Variants in PTPRC observed in about 807,000 individuals in gnomAD.
PTPRC encodes receptor-type tyrosine-protein phosphatase C.
A neutral mutation model predicts 155.9 loss-of-function variants in PTPRC; 44 were observed. That is an observed-to-expected ratio of 0.28 (90% CI 0.22 to 0.36). PTPRC has a LOEUF of 0.36. Ranked by LOEUF, PTPRC falls within the 10% of genes least tolerant of loss-of-function variation. PTPRC has a pLI of 1.00. For missense variants in PTPRC, 1,401 were observed against 1,564.6 expected, an observed-to-expected ratio of 0.90 and a Z score of 1.76; for synonymous variants, 525 against 533.1, an observed-to-expected ratio of 0.98 and a Z score of 0.21.
At chr1:198,642,968 C>CT (rs746581602) in intron 2 of PTPRC, among the ~76,000 whole-genome samples, 2 of 130,606 alleles carry the variant, frequency 1.5e-5, no homozygotes, top group Non-Finnish European at 3.3e-5. Flanking sequence ...TTCTTTCTTT[C>CT]TTTTTTCTTT....
At chr1:198,745,562 T>G (rs1241138435) in intron 26 of PTPRC, among the ~76,000 whole-genome samples, 1 of 151,782 alleles carries the variant, frequency 6.6e-6, no homozygotes, top group Non-Finnish European at 1.5e-5. Context: ...ACAATCTCCC[T>G]AGGCAGAGGC....
In PTPRC at chr1:198,731,667, T is replaced by G; in HGVS notation, c.1915T>G (p.Leu639Val). The G allele has an allele frequency of 6.2e-7, 1 of 1,611,920 alleles. No individual in the cohort carries two copies. The highest frequency in any genetic ancestry group is 8.5e-7 in the Non-Finnish European group (1 of 1,178,474). Reference sequence around the variant, plus strand: ...GGAGCCAATCCATGCAGATATTTTGTTGGAAACTTATAAGAGGAAGATTGC... The same window carrying G: ...GGAGCCAATCCATGCAGATATTTTGGTGGAAACTTATAAGAGGAAGATTGC... ...NVEPIHADIL[L>V]ETYKRKIADE... The change falls in exon 18 of 33, where the codon TTG becomes GTG. Residue 639 changes from leucine to valine, a missense_variant. Physicochemically the swap from Leu to Val is conservative, Grantham distance 32. Coordinates refer to ENST00000442510, the MANE Select transcript of PTPRC (RefSeq NM_002838.5).
chr1:198,744,122 G>C lies in PTPRC; in HGVS notation c.2766G>C (p.Leu922Phe). Reference sequence around the variant, plus strand: ...AGTTTGGAGAAACAGAAGTGAATTTGTCTGAATTACATCCATATCTACATA... The same window carrying C: ...AGTTTGGAGAAACAGAAGTGAATTTCTCTGAATTACATCCATATCTACATA... The part of the protein sequence containing the change: ...YNQFGETEVN[L>F]SELHPYLHNM... Residue 922 changes from leucine to phenylalanine, a missense_variant, in exon 26 of 33, where the codon TTG (leucine) becomes TTC (phenylalanine). Around this residue, in one of 3 missense-constraint regions of PTPRC, gnomAD observed 134 missense variants for 204.7 expected, o/e 0.65. Coordinates refer to ENST00000442510, the MANE Select transcript of PTPRC (RefSeq NM_002838.5). The C allele has an allele frequency of 6.2e-7, 1 of 1,604,544 alleles. No individual in the cohort carries two copies. The highest frequency in any genetic ancestry group is 2.2e-5 in the East Asian group (1 of 44,576).
intron 2 of PTPRC, among the ~76,000 whole-genome samples, chr1:198,688,350 G>T (rs1039159744): frequency 6.6e-6 from 1 of 152,020 alleles, no homozygotes; most frequent in African/African-American, 2.4e-5. Context: ...AAATTTTGCT[G>T]CATTAAAGAT....
intron 2 of PTPRC, among the ~76,000 whole-genome samples, chr1:198,686,753 CT>C (rs1333059482): frequency 6.6e-6 from 1 of 152,126 alleles, no homozygotes; most frequent in Non-Finnish European, 1.5e-5. Context: ...TTATAAAATA[CT>C]TTATGCAAAA....
At chr1:198,755,210 G>A (rs190605866) in intron 32 of PTPRC, among the ~76,000 whole-genome samples, 28 of 152,182 alleles carry the variant, frequency 1.8e-4, no homozygotes, top group African/African-American at 6.3e-4. Context: ...TGTGGATACA[G>A]GAAGGAAAAT....
chr1:198,648,939 A>C (rs1415834871), intron 2 of PTPRC, among the ~76,000 whole-genome samples: 1 of 151,744 alleles, frequency 6.6e-6, no homozygotes, highest in Non-Finnish European at 1.5e-5. Context: ...TTTGAAGTGC[A>C]AGGGAAGTAA....
At chr1:198,737,847 C>A (rs1292448146) in intron 23 of PTPRC, among the ~76,000 whole-genome samples, 1 of 151,452 alleles carries the variant, frequency 6.6e-6, no homozygotes, top group African/African-American at 2.4e-5. Flanking sequence ...ATCAATGTTT[C>A]ATAGTTTTCA....
chr1:198,755,972 A>C lies in PTPRC; in HGVS notation c.3712A>C (p.Lys1238Gln), dbSNP rs749440246. The C allele has an allele frequency of 1.9e-5, 30 of 1,613,108 alleles. No individual in the cohort carries two copies. Among genetic ancestry groups the C allele is most frequent in the Non-Finnish European group, 2.5e-5 (29 of 1,179,478 alleles). The change falls in exon 33 of 33, where the codon AAA becomes CAA. Residue 1238 changes from lysine to glutamine, a missense_variant. Around this residue, in one of 3 missense-constraint regions of PTPRC, gnomAD observed 400 missense variants for 389.5 expected, o/e 1.03. Transcript: ENST00000442510. ...CCCTGCTCAGAATGGACAAGTAAAG[A>C]AAAACAACCATCAAGAAGATAAAAT... ...TYPAQNGQVKKNNHQEDKIEF... is the reference protein window; with the variant it reads ...TYPAQNGQVKQNNHQEDKIEF...
intron 2 of PTPRC, 115 bp downstream of exon 2, chr1:198,639,456 G>A (rs547201711): frequency 2.5e-6 from 2 of 784,604 alleles, no homozygotes; most frequent in East Asian, 2.7e-5. Flanking sequence ...GAAGCCTGCT[G>A]TAAACCATCA....
At chr1:198,684,784 A>G (rs552857345) in intron 2 of PTPRC, among the ~76,000 whole-genome samples, 3 of 152,062 alleles carry the variant, frequency 2.0e-5, no homozygotes, top group African/African-American at 7.2e-5. Context: ...CTCATTTCTG[A>G]AAATATGAAT....
At chr1:198,663,491 C>G (rs1664101053) in intron 2 of PTPRC, among the ~76,000 whole-genome samples, 1 of 152,174 alleles carries the variant, frequency 6.6e-6, no homozygotes, top group African/African-American at 2.4e-5. Context: ...TGGCAAGCTT[C>G]TGGAAGTAGT....
In PTPRC at chr1:198,728,458, G is replaced by A; in HGVS notation, c.1829+10G>A. 6.2e-7 allele frequency: 1 copy of A among 1,610,902 alleles called. No homozygotes were observed. Among genetic ancestry groups the A allele is most frequent in the Non-Finnish European group, 8.5e-7 (1 of 1,178,612 alleles). ...ATAAGAAAAGATCCTGGTAAGAGTT[G>A]ATTTTAAATTTTTAAATAATAATGG... On this transcript the variant is annotated intron_variant, in intron 16 of 32. Coordinates refer to ENST00000442510, the MANE Select transcript of PTPRC (RefSeq NM_002838.5).
intron 15 of PTPRC, among the ~76,000 whole-genome samples, chr1:198,724,028 C>T (rs962326691): frequency 6.6e-6 from 1 of 152,122 alleles, no homozygotes; most frequent in Non-Finnish European, 1.5e-5. Flanking sequence ...ACTCCCTGTT[C>T]AGGTGTAGTT....
intron 2 of PTPRC, among the ~76,000 whole-genome samples, chr1:198,643,544 G>T (rs1248485809): frequency 6.6e-6 from 1 of 151,606 alleles, no homozygotes; most frequent in Non-Finnish European, 1.5e-5. Flanking sequence ...GTTTTTGTTT[G>T]TTTGTTTGTT....
intron 2 of PTPRC, among the ~76,000 whole-genome samples, chr1:198,674,685 GC>G (rs1664846073): frequency 6.6e-6 from 1 of 151,820 alleles, no homozygotes; most frequent in Non-Finnish European, 1.5e-5. Context: ...TCTATGCTAT[GC>G]TTTGCTTCAT....
intron 17 of PTPRC, among the ~76,000 whole-genome samples, chr1:198,729,749 T>C (rs1654303711): frequency 6.6e-6 from 1 of 152,158 alleles, no homozygotes; most frequent in Admixed American, 6.6e-5. Flanking sequence ...AAAGCAGATA[T>C]CTCAACAAAT....
chr1:198,665,093 T>C (rs1344408085), intron 2 of PTPRC, among the ~76,000 whole-genome samples: 8 of 129,132 alleles, frequency 6.2e-5, no homozygotes, highest in Admixed American at 6.1e-4. Flanking sequence ...TTTTTTTTTT[T>C]TTTTTTTTTT....
intron 23 of PTPRC, 45 bp downstream of exon 23, chr1:198,735,297 A>G: frequency 2.1e-6 from 3 of 1,443,308 alleles, no homozygotes; most frequent in Non-Finnish European, 2.9e-6. Flanking sequence ...ACTTTTTTAT[A>G]AAAATATAAT....
Sources: allele counts gnomAD v4.1 joint callset (sites outside exome capture counted in the v4.1 genomes callset), GRCh38; gene constraint gnomAD v4.1.1; regional missense constraint gnomAD v4.1.1; transcripts MANE v1.5; gene names NCBI Gene and HGNC (gene_info 2026-07-23, HGNC 2026-07-21).